The following CNTLN variants were observed in gnomAD, a reference collection of about 807,000 sequenced individuals.
CNTLN encodes the protein centlein, centrosomal protein.
Under a neutral mutation model 180.0 loss-of-function variants are expected in CNTLN, and 212 were observed. The observed-to-expected ratio is 1.18, with a 90% CI of 1.05 to 1.32. CNTLN has a LOEUF of 1.32. Among genes scored for constraint, CNTLN ranks in the 40% most tolerant of loss-of-function variants. The probability of loss-of-function intolerance (pLI) is 0.00; values close to 1 mark genes in which losing one functional copy is unlikely to be tolerated. For synonymous variants in CNTLN, 722 were observed against 563.1 expected (o/e 1.28, Z -3.99); for missense variants, 2,095 against 1,610.9 (o/e 1.30, Z -5.14).
At chr9:17,426,242 G>A (rs1156619331) in intron 18 of CNTLN, among the ~76,000 whole-genome samples, 1 of 152,118 alleles carries the variant, frequency 6.6e-6, no homozygotes, top group Non-Finnish European at 1.5e-5. Flanking sequence ...GAAAAGAGAA[G>A]GACCCCAAAA....
intron 2 of CNTLN, among the ~76,000 whole-genome samples, chr9:17,211,532 A>T (rs1306841670): frequency 6.6e-6 from 1 of 152,190 alleles, no homozygotes; most frequent in Non-Finnish European, 1.5e-5. Flanking sequence ...TGTCTTGGCA[A>T]TGCGGGCTCT....
At chr9:17,188,359 A>G (rs1378129583) in intron 2 of CNTLN, among the ~76,000 whole-genome samples, 2 of 152,130 alleles carry the variant, frequency 1.3e-5, no homozygotes, top group Non-Finnish European at 1.5e-5. Flanking sequence ...TTCATATTGA[A>G]GGCAAAGCAA....
At chr9:17,493,394 G>C (rs118064288) in intron 25 of CNTLN, among the ~76,000 whole-genome samples, 1 of 151,990 alleles carries the variant, frequency 6.6e-6, no homozygotes, top group Non-Finnish European at 1.5e-5. Context: ...ATATAGTATG[G>C]AACAGTTTTG....
intron 23 of CNTLN, among the ~76,000 whole-genome samples, chr9:17,469,782 C>G (rs916733429): frequency 6.6e-6 from 1 of 151,862 alleles, no homozygotes; most frequent in Non-Finnish European, 1.5e-5. Context: ...GGGCCTTTCT[C>G]TGTCATGAAT....
chr9:17,301,338 A>G (rs973354786), intron 7 of CNTLN: 18 of 985,264 alleles, frequency 1.8e-5, no homozygotes, highest in Non-Finnish European at 2.0e-5. Flanking sequence ...CCTTCCAAGA[A>G]TCATTATAGA....
intron 2 of CNTLN, among the ~76,000 whole-genome samples, chr9:17,209,094 A>G (rs1249619848): frequency 1.3e-5 from 2 of 152,054 alleles, no homozygotes; most frequent in Non-Finnish European, 2.9e-5. Flanking sequence ...CTTTCCTGTT[A>G]GTACTGCTTT....
At chr9:17,265,613 G>A (rs1827365837) in intron 5 of CNTLN, among the ~76,000 whole-genome samples, 1 of 152,112 alleles carries the variant, frequency 6.6e-6, no homozygotes, top group African/African-American at 2.4e-5. Flanking sequence ...AGATGGAGTG[G>A]TACCAGCTCC....
intron 23 of CNTLN, among the ~76,000 whole-genome samples, chr9:17,475,558 A>C (rs1832285695): frequency 1.3e-5 from 2 of 151,798 alleles, no homozygotes; most frequent in South Asian, 2.1e-4. Flanking sequence ...GAGGGAGGGA[A>C]CAATAAGAAA....
intron 15 of CNTLN, 36 bp from the exon 16 acceptor site, chr9:17,409,257 T>G (rs989891348): frequency 6.3e-7 from 1 of 1,588,510 alleles, no homozygotes; most frequent in Admixed American, 1.8e-5. Context: ...ACAACTTTTA[T>G]TCTTGGATTT....
At chr9:17,312,553 AT>A (rs56915301) in intron 8 of CNTLN, among the ~76,000 whole-genome samples, 1,046 of 100,354 alleles carry the variant, frequency 0.01, 11 homozygotes, top group African/African-American at 0.035. Context: ...AGCCCGGCTA[AT>A]TTTTTTTTTT....
intron 12 of CNTLN, among the ~76,000 whole-genome samples, chr9:17,358,103 A>G (rs1822994025): frequency 6.6e-6 from 1 of 152,056 alleles, no homozygotes; most frequent in South Asian, 2.1e-4. Context: ...CTTGAGAGAA[A>G]AATTTTACTC....
intron 18 of CNTLN, among the ~76,000 whole-genome samples, chr9:17,421,825 AAAAC>A (rs1295282760): frequency 2.0e-5 from 3 of 152,160 alleles, no homozygotes; most frequent in Non-Finnish European, 1.5e-5. Context: ...TCTGATTATA[AAAAC>A]AATAGACAAG....
intron 7 of CNTLN, among the ~76,000 whole-genome samples, chr9:17,303,302 T>G (rs140998885): frequency 9.9e-4 from 151 of 152,322 alleles, no homozygotes; most frequent in Non-Finnish European, 1.3e-3. Context: ...CTCATCCAAA[T>G]TTTTTCAACA....
At chr9:17,347,542 G>A (rs1249482665) in intron 12 of CNTLN, among the ~76,000 whole-genome samples, 2 of 151,872 alleles carry the variant, frequency 1.3e-5, no homozygotes, top group African/African-American at 4.8e-5. Flanking sequence ...GGTGGCGCAC[G>A]CCTGTAATCT....
chr9:17,135,734 G>A (rs998064687), intron 1 of CNTLN, among the ~76,000 whole-genome samples: 1 of 152,238 alleles, frequency 6.6e-6, no homozygotes, highest in African/African-American at 2.4e-5. Context: ...CAAGTTCTTG[G>A]TGGTGACGGT....
At chr9:17,491,518 G>C (rs531174951) in intron 25 of CNTLN, among the ~76,000 whole-genome samples, 1 of 152,108 alleles carries the variant, frequency 6.6e-6, no homozygotes, top group East Asian at 1.9e-4. Context: ...AATACCCTTA[G>C]ACAGGAATGG....
intron 16 of CNTLN, among the ~76,000 whole-genome samples, chr9:17,410,731 T>C (rs940471034): frequency 4.6e-5 from 7 of 152,180 alleles, no homozygotes; most frequent in African/African-American, 1.7e-4. Flanking sequence ...TTTCATGTGA[T>C]GTGAGATAGG....
At chr9:17,475,872 CAAA>C (rs67818691) in intron 23 of CNTLN, among the ~76,000 whole-genome samples, 9 of 117,246 alleles carry the variant, frequency 7.7e-5, no homozygotes, top group Admixed American at 3.4e-4. Flanking sequence ...GACTCTCTCT[CAAA>C]AAAAAAAAAA....
intron 5 of CNTLN, among the ~76,000 whole-genome samples, chr9:17,265,843 T>A (rs1301119017): frequency 6.6e-6 from 1 of 152,220 alleles, no homozygotes; most frequent in Non-Finnish European, 1.5e-5. Context: ...TTTGTAGTAT[T>A]CTTTCATGGT....
Sources: allele counts gnomAD v4.1 joint callset (sites outside exome capture counted in the v4.1 genomes callset), GRCh38; gene constraint gnomAD v4.1.1; transcripts MANE v1.5; gene names NCBI Gene and HGNC (gene_info 2026-07-23, HGNC 2026-07-21).